F2: variants seen among roughly 807,000 people sequenced by gnomAD.
The protein encoded by F2 is prothrombin.
Under a neutral mutation model 81.9 loss-of-function variants are expected in F2, and 34 were observed. The ratio of observed to expected loss-of-function variants is 0.42; its 90% confidence interval spans 0.32 to 0.55. The LOEUF (loss-of-function observed/expected upper bound fraction) is 0.55, where lower values mean the gene tolerates loss of function less well. Among genes scored for constraint, F2 ranks in the 20% least tolerant of loss-of-function variants. The pLI, the probability that F2 is intolerant of heterozygous loss-of-function variation, is 0.18. For missense variants in F2, 630 were observed against 833.4 expected (o/e 0.76, Z 3.00); for synonymous variants, 296 against 326.4 (o/e 0.91, Z 1.01).
intron 12 of F2, among the ~76,000 whole-genome samples, chr11:46,737,027 GTATCT>G (rs2064948198): frequency 6.6e-6 from 1 of 152,006 alleles, no homozygotes; most frequent in East Asian, 1.9e-4. Context: ...TTTTCTATTG[GTATCT>G]TATTTTATGT....
In F2 at chr11:46,719,932, A is replaced by G. The variant is rs2064825776; in HGVS notation, c.240+70A>G. 6.5e-7 allele frequency: 1 copy of G among 1,531,370 alleles called. No individual in the cohort carries two copies. Among genetic ancestry groups the G allele is most frequent in the East Asian group, 2.4e-5 (1 of 40,898 alleles). The allele number at this position is 1,531,370 out of a possible 1,614,324, so 94.9% of individuals were successfully genotyped here. A position where few individuals can be genotyped will look rare whatever the true frequency, so the allele number is the denominator to read the frequency against. On this transcript the variant is annotated intron_variant, in intron 2 of 13. Transcript: ENST00000311907. This position sits in a 1 kb window ranked among gnomAD's most constrained non-coding sequence, Gnocchi z 4.7. ...CCAACTCTAGACACTTCCACAGAGA[A>G]GCAAGCGAGGAACGCCACAGCCCCT...
chr11:46,726,796 C>T lies in F2; in HGVS notation c.1089C>T (p.Arg363=). ...TCCTGGAATCCTACATCGACGGGCGCATTGTGGAGGGCTCGGATGCAGAGA... is the reference window on the plus strand; with the variant it reads ...TCCTGGAATCCTACATCGACGGGCGTATTGTGGAGGGCTCGGATGCAGAGA... ...RELLESYIDG[R]IVEGSDAEIG... The change falls in exon 9 of 14, where the codon CGC becomes CGT. Residue 363 remains arginine, a synonymous_variant. Transcript: ENST00000311907. The surrounding 1 kb of genome is among the most constrained non-coding windows in gnomAD (Gnocchi z 5.9). The T allele has an allele frequency of 6.2e-7, 1 of 1,614,206 alleles. No individual in the cohort carries two copies. Among genetic ancestry groups the T allele is most frequent in the Non-Finnish European group, 8.5e-7 (1 of 1,180,038 alleles).
Position 46,728,122 on chromosome 11 carries a change from G to T in F2, c.1257G>T (p.Glu419Asp). ...LYPPWDKNFT[E>D]NDLLVRIGKH... is the part of the protein sequence containing the mutation. ...CGCCCTGGGACAAGAACTTCACCGAGAATGACCTTCTGGTGCGCATTGGCA... is the reference window on the plus strand; with the variant it reads ...CGCCCTGGGACAAGAACTTCACCGATAATGACCTTCTGGTGCGCATTGGCA... Residue 419 changes from glutamate to aspartate, a missense_variant, in exon 10 of 14, where the codon GAG (glutamate) becomes GAT (aspartate). By Grantham distance (45) the Glu-to-Asp change is conservative. Coordinates refer to ENST00000311907, the MANE Select transcript of F2 (RefSeq NM_000506.5). The surrounding 1 kb of genome is among the most constrained non-coding windows in gnomAD (Gnocchi z 5.1). 1 of 1,611,068 alleles carries T rather than the reference G, an allele frequency of 6.2e-7. No individual in the cohort carries two copies. Among genetic ancestry groups the T allele is most frequent in the Non-Finnish European group, 8.5e-7 (1 of 1,179,092 alleles).
chr11:46,738,079 C>A (rs1482168660), intron 12 of F2, among the ~76,000 whole-genome samples: 6 of 152,028 alleles, frequency 3.9e-5, no homozygotes, highest in Admixed American at 3.9e-4. Context: ...CTCACTGCAA[C>A]CTCCACCTCC....
At position 46,731,978 on chromosome 11, in the gene F2, C is replaced by T. The variant is rs187347100; in HGVS notation, c.1654+2417C>T. ...ATCACCCGGGCTGGAGTGTGTGGTG[C>T]GATCTCGGCTCACTGCAACCTCCAT... On this transcript the variant is annotated intron_variant, in intron 12 of 13. Transcript: ENST00000311907. Among the ~76,000 whole-genome samples the T allele has an allele frequency of 1.9e-4, 26 of 134,892 alleles. No individual in the cohort carries two copies. In the East Asian group the frequency reaches 2.4e-3, roughly 13 times the overall value. 88.5% of individuals were successfully genotyped at this position (134,892 alleles called of 152,430 possible). A position where few individuals can be genotyped will look rare whatever the true frequency, so the allele number is the denominator to read the frequency against.
chr11:46,719,468 C>A lies in F2; in HGVS notation c.79+154C>A. ...TAGGGAAGAAGTCAGGAGCTCAGGG[C>A]TGGAAAGAGAATGGCTGCTTCTCTC... is the stretch of plus-strand genomic sequence containing the variant. On this transcript the variant is annotated intron_variant, in intron 1 of 13. Transcript: ENST00000311907. The surrounding 1 kb of genome is among the most constrained non-coding windows in gnomAD (Gnocchi z 4.7). The A allele has an allele frequency of 2.0e-6, 2 of 1,020,116 alleles. No individual in the cohort carries two copies. The highest frequency in any genetic ancestry group is 3.0e-6 in the Non-Finnish European group (2 of 676,578). 63.2% of individuals were successfully genotyped at this position (1,020,116 alleles called of 1,614,324 possible).
intron 2 of F2, chr11:46,720,153 A>T: frequency 3.6e-6 from 2 of 555,662 alleles, no homozygotes; most frequent in Non-Finnish European, 6.4e-6. Flanking sequence ...TCAGCGGCAG[A>T]CTCCCACACC....
chr11:46,722,357 G>A (rs554748158), intron 4 of F2, among the ~76,000 whole-genome samples: 1 of 152,202 alleles, frequency 6.6e-6, no homozygotes, highest in South Asian at 2.1e-4. Flanking sequence ...TTTGGGAGCT[G>A]AGGTGGGCGC....
chr11:46,721,163 C>G (rs2064833913), intron 4 of F2, among the ~76,000 whole-genome samples: 1 of 152,072 alleles, frequency 6.6e-6, no homozygotes, highest in Non-Finnish European at 1.5e-5. Flanking sequence ...TCTGCCTCAA[C>G]CTCCCAAGTA....
chr11:46,726,565 T>C lies in F2; in HGVS notation c.942T>C (p.Arg314=). The change falls in exon 8 of 14, where the codon CGT becomes CGC. Residue 314 remains arginine (R), a synonymous_variant. Transcript: ENST00000311907. The surrounding 1 kb of genome is among the most constrained non-coding windows in gnomAD (Gnocchi z 5.9). ...ACTCAGACAGGGCCATCGAAGGGCG[T>C]ACCGCCACCAGTGAGTACCAGACTT... ...DEDSDRAIEG[R]TATSEYQTFF... is the part of the protein sequence containing the mutation. 1 of 1,614,108 alleles carries C rather than the reference T, an allele frequency of 6.2e-7. No homozygotes were observed. The highest frequency in any genetic ancestry group is 1.1e-5 in the South Asian group (1 of 91,090).
rs766255526 is a variant in F2 at position 46,719,749 on chromosome 11, C to T, written c.127C>T (p.Arg43Ter). ...QARSLLQRVR[R>*]ANTFLEEVRK... Reference sequence around the variant, plus strand: ...ACGGTCGCTGCTCCAGCGGGTCCGGCGAGCCAACACCTTCTTGGAGGAGGT... The same window carrying T: ...ACGGTCGCTGCTCCAGCGGGTCCGGTGAGCCAACACCTTCTTGGAGGAGGT... The change falls in exon 2 of 14, where the codon CGA (arginine) becomes TGA (stop). Residue 43 changes from arginine (R) to a stop codon, truncating the protein, a stop_gained. Transcript: ENST00000311907. LOFTEE classifies it high-confidence loss of function. The surrounding 1 kb of genome is among the most constrained non-coding windows in gnomAD (Gnocchi z 4.7). 3 of 1,596,214 alleles carry T rather than the reference C, an allele frequency of 1.9e-6. No homozygotes were observed. Among genetic ancestry groups the T allele is most frequent in the South Asian group, 2.3e-5 (2 of 87,560 alleles).
chr11:46,727,693 G>A (rs2064882944), intron 9 of F2, among the ~76,000 whole-genome samples: 1 of 152,064 alleles, frequency 6.6e-6, no homozygotes, highest in Non-Finnish European at 1.5e-5. Context: ...CGGGAGGATC[G>A]CCTGAGCCCA....
In F2 at chr11:46,726,894, C is replaced by T. The variant is rs2064878070; in HGVS notation, c.1130+57C>T. ...TCCTGGGGGCAGGTGTGCTGCTGGACCCCCACCCTCAGGCCCTGCCTGCAG... is the reference window on the plus strand; with the variant it reads ...TCCTGGGGGCAGGTGTGCTGCTGGATCCCCACCCTCAGGCCCTGCCTGCAG... On this transcript the variant is annotated intron_variant, in intron 9 of 13. Transcript: ENST00000311907. This position sits in a 1 kb window ranked among gnomAD's most constrained non-coding sequence, Gnocchi z 5.9. 1.2e-6 allele frequency: 2 copies of T among 1,608,646 alleles called. No homozygotes were observed. The highest frequency in any genetic ancestry group is 1.7e-4 in the Middle Eastern group (1 of 6,036).
chr11:46,720,385 A>C, intron 2 of F2, 138 bp from the exon 3 acceptor site: 2 of 921,972 alleles, frequency 2.2e-6, no homozygotes, highest in Non-Finnish European at 1.8e-6. Context: ...AAAAGTAGGA[A>C]ACTCTGCCAC....
rs575279512 is a variant in F2 at position 46,723,671 on chromosome 11, A to G, written c.559+153A>G. On this transcript the variant is annotated intron_variant, in intron 6 of 13. Transcript: ENST00000311907. The surrounding 1 kb of genome is among the most constrained non-coding windows in gnomAD (Gnocchi z 5.6). ...TTTGGGAGGCTGAGGCAGGCAGATC[A>G]CCTGAGGTCAGGGGTTTGAGACCAG... 6.6e-6 allele frequency among the ~76,000 whole-genome samples: 1 copy of G among 152,278 alleles called. No individual in the cohort carries two copies. Among genetic ancestry groups the G allele is most frequent in the East Asian group, 1.9e-4 (1 of 5,174 alleles).
chr11:46,739,003 G>A (rs1283863133), intron 12 of F2, 45 bp from the exon 13 acceptor site: 3 of 1,607,964 alleles, frequency 1.9e-6, no homozygotes, highest in Non-Finnish European at 2.6e-6. Context: ...GCGTGGCTGG[G>A]CTATGAGCTA....
chr11:46,738,984 C>G, intron 12 of F2, 64 bp from the exon 13 acceptor site: 1 of 1,551,846 alleles, frequency 6.4e-7, no homozygotes, highest in Non-Finnish European at 8.9e-7. Context: ...AGCTGTGTCT[C>G]GTGAAGGGGC....
chr11:46,722,993 G>A (rs1565702057), intron 4 of F2, 187 bp from the exon 5 acceptor site: 1 of 702,780 alleles, frequency 1.4e-6, no homozygotes, highest in Non-Finnish European at 2.6e-6. Flanking sequence ...TAGGCACTTA[G>A]CGAATATTTG....
rs750891771 is a variant in F2, at chr11:46,728,754, T to C, written c.1389T>C (p.Ile463=). Residue 463 remains isoleucine (I), a synonymous_variant, in exon 11 of 14, where the codon ATT becomes ATC. Transcript: ENST00000311907. The surrounding 1 kb of genome is among the most constrained non-coding windows in gnomAD (Gnocchi z 5.1). ...GGCGGGAGAACCTGGACCGGGACAT[T>C]GCCCTGATGAAGCTGAAGAAGCCTG... The part of the protein sequence containing the change: ...YNWRENLDRD[I]ALMKLKKPVA... 3 of 1,614,228 alleles carry C rather than the reference T, an allele frequency of 1.9e-6. No homozygotes were observed. Among genetic ancestry groups the C allele is most frequent in the East Asian group, 4.5e-5 (2 of 44,878 alleles).
Sources: allele counts gnomAD v4.1 joint callset (sites outside exome capture counted in the v4.1 genomes callset), GRCh38; gene constraint gnomAD v4.1.1; non-coding constraint Gnocchi (gnomAD v3.1); transcripts MANE v1.5; gene names NCBI Gene and HGNC (gene_info 2026-07-23, HGNC 2026-07-21).